Variants in LRIF1 observed in about 807,000 individuals in gnomAD.
LRIF1 encodes the protein ligand dependent nuclear receptor interacting factor 1, also known as ligand-dependent nuclear receptor-interacting factor 1.
In LRIF1, 32 loss-of-function variants were observed where a neutral mutation model predicts 52.7. The ratio of observed to expected loss-of-function variants is 0.61; its 90% CI spans 0.46 to 0.82. LRIF1 has a LOEUF of 0.82. LRIF1 is among the 40% of genes least tolerant of loss of function. LRIF1 has a pLI of 0.00. For synonymous variants in LRIF1, 323 were observed against 317.4 expected, an observed-to-expected ratio of 1.02 and a Z score of -0.19; for missense variants, 887 against 892.0, an observed-to-expected ratio of 0.99 and a Z score of 0.07.
the LRIF1 span, among the ~76,000 whole-genome samples, chr1:110,906,568 G>C: frequency 6.6e-6 from 1 of 151,904 alleles, no homozygotes; most frequent in African/African-American, 2.4e-5. Context: ...GAACATTTAT[G>C]ATCGCATCAA....
chr1:110,897,537 T>C, the LRIF1 span: 1 of 295,710 alleles, frequency 3.4e-6, no homozygotes, highest in Non-Finnish European at 6.3e-6. Context: ...GTTGCTGACC[T>C]GCCTCTTAGA....
the LRIF1 span, chr1:110,894,979 A>C: frequency 6.2e-7 from 1 of 1,613,928 alleles, no homozygotes; most frequent in South Asian, 1.1e-5. Context: ...TATGTGGCTA[A>C]GGGTCTGACC....
the LRIF1 span, among the ~76,000 whole-genome samples, chr1:110,885,941 A>C: frequency 1.3e-5 from 2 of 152,172 alleles, no homozygotes; most frequent in African/African-American, 4.8e-5. Context: ...TCCTGTAGTC[A>C]CCATTTCTGG....
At chr1:110,898,205 G>A in the LRIF1 span, among the ~76,000 whole-genome samples, 441 of 151,832 alleles carry the variant, frequency 2.9e-3, 2 homozygotes, top group African/African-American at 9.9e-3. Context: ...GTGAAACCCC[G>A]TCTCTACTAA....
the LRIF1 span, among the ~76,000 whole-genome samples, chr1:110,933,766 A>G: frequency 6.6e-6 from 1 of 152,172 alleles, no homozygotes; most frequent in Non-Finnish European, 1.5e-5. Context: ...CCAGGCTATA[A>G]GGACTACAAC....
the LRIF1 span, among the ~76,000 whole-genome samples, chr1:110,933,167 C>A: frequency 6.6e-6 from 1 of 152,110 alleles, no homozygotes; most frequent in African/African-American, 2.4e-5. Flanking sequence ...ATGCTCTAGG[C>A]TCATCTTATA....
At chr1:110,949,370 A>G (rs867859003) in intron 3 of LRIF1, among the ~76,000 whole-genome samples, 7 of 150,312 alleles carry the variant, frequency 4.7e-5, no homozygotes, top group Non-Finnish European at 7.4e-5. Context: ...CGCCCGCCTC[A>G]GCCTCCCAAA....
chr1:110,947,837 C>A lies in LRIF1; in HGVS notation c.*122G>T. 1 of 1,325,590 alleles carries A rather than the reference C, an allele frequency of 7.5e-7. No homozygotes were observed. The highest frequency in any genetic ancestry group is 1.0e-6 in the Non-Finnish European group (1 of 993,978). The allele number at this position is 1,325,590 out of a possible 1,614,324, so 82.1% of individuals were successfully genotyped here. ...TCTGTATTCCTTAAAGTTGTACAAT[C>A]GACTGATGAAAAAACAAGCTTCATA... On this transcript the variant is annotated 3_prime_UTR_variant, in exon 4 of 4. Coordinates refer to ENST00000369763, the MANE Select transcript of LRIF1 (RefSeq NM_018372.4).
At chr1:110,899,089 A>C in the LRIF1 span, 7 of 1,568,624 alleles carry the variant, frequency 4.5e-6, no homozygotes, top group South Asian at 6.7e-5. Context: ...GGCTTTTCTT[A>C]TGAAGACTTC....
At chr1:110,963,560 C>G (rs1005390884) in intron 1 of LRIF1, 61 bp downstream of exon 1, 10 of 1,441,714 alleles carry the variant, frequency 6.9e-6, no homozygotes, top group Non-Finnish European at 9.6e-6. Flanking sequence ...CGACGGCCGA[C>G]TCCACATCCC....
In LRIF1 at chr1:110,948,048, G is replaced by T. The variant is rs146605389; in HGVS notation, c.2221C>A (p.Arg741=). ...TTAAGTCTTCTTATTTTTTCATCTCGAATGGTTTCTTCTAACTCCGGTGGT... is the reference window on the plus strand; with the variant it reads ...TTAAGTCTTCTTATTTTTTCATCTCTAATGGTTTCTTCTAACTCCGGTGGT... ...VTPPELEETI[R]DEKIRRLKQV... The change falls in exon 4 of 4, where the codon CGA becomes AGA. Residue 741 remains arginine (R), a synonymous_variant. Coordinates refer to ENST00000369763, the MANE Select transcript of LRIF1 (RefSeq NM_018372.4). The T allele has an allele frequency of 3.7e-6, 6 of 1,613,430 alleles. No homozygotes were observed. Among genetic ancestry groups the T allele is most frequent in the Non-Finnish European group, 5.1e-6 (6 of 1,179,862 alleles).
chr1:110,912,725 C>T, the LRIF1 span, among the ~76,000 whole-genome samples: 2 of 152,152 alleles, frequency 1.3e-5, no homozygotes, highest in African/African-American at 4.8e-5. Flanking sequence ...TAGATAGGAA[C>T]AATCAATATT....
the LRIF1 span, chr1:110,895,089 C>A: frequency 6.7e-7 from 1 of 1,484,050 alleles, no homozygotes; most frequent in Non-Finnish European, 9.4e-7. Flanking sequence ...CAGATCAGCC[C>A]AGACTTCATT....
At chr1:110,877,223 G>GT in the LRIF1 span, among the ~76,000 whole-genome samples, 2 of 152,088 alleles carry the variant, frequency 1.3e-5, no homozygotes, top group African/African-American at 4.8e-5. Flanking sequence ...TTTTTAGAAT[G>GT]TTTCTCCATT....
chr1:110,882,092 T>C, the LRIF1 span, among the ~76,000 whole-genome samples: 1 of 152,194 alleles, frequency 6.6e-6, no homozygotes, highest in African/African-American at 2.4e-5. Context: ...TAACAGTGTC[T>C]TTTGAAGAGC....
At chr1:110,951,170 C>G in intron 2 of LRIF1, 118 bp downstream of exon 2, 1 of 800,120 alleles carries the variant, frequency 1.2e-6, no homozygotes, top group Non-Finnish European at 2.0e-6. Context: ...TGTGTATAGT[C>G]TGTGTGTGAT....
the LRIF1 span, among the ~76,000 whole-genome samples, chr1:110,878,565 T>A: frequency 2.6e-5 from 4 of 152,108 alleles, no homozygotes; most frequent in African/African-American, 9.7e-5. Flanking sequence ...AATGTAGAAT[T>A]TTTTTTTAAA....
chr1:110,929,224 A>G, the LRIF1 span, among the ~76,000 whole-genome samples: 1 of 152,210 alleles, frequency 6.6e-6, no homozygotes, highest in East Asian at 1.9e-4. Context: ...TACAATGAAC[A>G]TACATATGCA....
chr1:110,948,455 C>T (rs568215969), intron 3 of LRIF1, 56 bp from the exon 4 acceptor site: 13 of 1,518,804 alleles, frequency 8.6e-6, no homozygotes, highest in South Asian at 2.5e-5. Flanking sequence ...CTAAATGCAC[C>T]GGGTACTACC....
Sources: allele counts gnomAD v4.1 joint callset (sites outside exome capture counted in the v4.1 genomes callset), GRCh38; gene constraint gnomAD v4.1.1; transcripts MANE v1.5; gene names NCBI Gene and HGNC (gene_info 2026-07-23, HGNC 2026-07-21).